Variants in FBXL17 observed in about 807,000 individuals in gnomAD.
The protein encoded by FBXL17 is F-box and leucine rich repeat protein 17.
FBXL17 carries 22 observed loss-of-function variants against 66.2 expected under a neutral mutation model. That is an observed-to-expected ratio of 0.33 (90% CI 0.24 to 0.47). The LOEUF (loss-of-function observed/expected upper bound fraction) is 0.47, where lower values mean the gene tolerates loss of function less well. Ranked by LOEUF, FBXL17 falls within the 20% of genes least tolerant of loss-of-function variation. The pLI, the probability that FBXL17 is intolerant of heterozygous loss-of-function variation, is 1.00. For synonymous variants in FBXL17, 474 were observed against 400.5 expected (o/e 1.18, Z -2.19); for missense variants, 878 against 948.2 (o/e 0.93, Z 0.97).
intron 7 of FBXL17, among the ~76,000 whole-genome samples, chr5:107,923,985 C>T (rs1255795933): frequency 6.7e-6 from 1 of 148,482 alleles, no homozygotes; most frequent in African/African-American, 2.5e-5. Flanking sequence ...CAATGTGGGG[C>T]TAGGAGAGGG....
intron 4 of FBXL17, among the ~76,000 whole-genome samples, chr5:108,259,320 C>G (rs546315427): frequency 6.6e-6 from 1 of 152,188 alleles, no homozygotes; most frequent in East Asian, 1.9e-4. Flanking sequence ...TTCTAAAAAG[C>G]TAAAACTATG....
At chr5:107,910,826 G>A (rs1474078384) in intron 7 of FBXL17, among the ~76,000 whole-genome samples, 2 of 151,840 alleles carry the variant, frequency 1.3e-5, no homozygotes, top group Non-Finnish European at 2.9e-5. Context: ...AGTTATATAG[G>A]AATAAACCTA....
rs150945948 is a variant in FBXL17, at chr5:107,970,726, C to T, written c.1822+50199G>A. Among the ~76,000 whole-genome samples the T allele has an allele frequency of 4.6e-5, 7 of 152,264 alleles. No individual in the cohort carries two copies. In the East Asian group the frequency reaches 1.4e-3, roughly 29 times the overall value. On this transcript the variant is annotated intron_variant, in intron 7 of 8. Transcript: ENST00000542267. The stretch of plus-strand genomic sequence containing the variant: ...TTATCTTGCCAGAGTGGAAAAAGAC[C>T]TGCTGCCCTTGTTACCACACCTCCC...
At chr5:107,951,574 C>T (rs1179163365) in intron 7 of FBXL17, among the ~76,000 whole-genome samples, 3 of 152,102 alleles carry the variant, frequency 2.0e-5, no homozygotes, top group Non-Finnish European at 4.4e-5. Context: ...TCTTGACGTA[C>T]CTGGCACTGA....
chr5:108,030,209 G>C (rs1387509235), intron 6 of FBXL17, among the ~76,000 whole-genome samples: 2 of 152,170 alleles, frequency 1.3e-5, no homozygotes, highest in East Asian at 3.9e-4. Flanking sequence ...CAAAAGTCCA[G>C]GTTGCTCTGC....
intron 7 of FBXL17, among the ~76,000 whole-genome samples, chr5:108,011,681 G>A (rs573205338): frequency 2.6e-5 from 4 of 152,204 alleles, no homozygotes; most frequent in East Asian, 1.9e-4. Context: ...AAAATTAGCC[G>A]GTCATGGTGG....
chr5:108,098,605 C>T lies in FBXL17; in HGVS notation c.1746-77604G>A, dbSNP rs533421589. Among the ~76,000 whole-genome samples, 459 of 151,760 alleles carry T rather than the reference C, an allele frequency of 3.0e-3. 1 individual carries two copies. The highest frequency in any genetic ancestry group is 0.011 in the African/African-American group (441 of 41,368). On this transcript the variant is annotated intron_variant, in intron 6 of 8. Transcript: ENST00000542267. ...CTAAAAATACAAAAAATTAGCCGGG[C>T]GTGGTGGTGAGCATCTGTAGTCCCA...
At chr5:108,115,266 A>C (rs1174250570) in intron 6 of FBXL17, among the ~76,000 whole-genome samples, 1 of 152,186 alleles carries the variant, frequency 6.6e-6, no homozygotes, top group East Asian at 1.9e-4. Context: ...CAGGAGAAGC[A>C]TGGGCTTTAT....
At chr5:108,316,772 T>C (rs932080049) in intron 4 of FBXL17, among the ~76,000 whole-genome samples, 3 of 151,180 alleles carry the variant, frequency 2.0e-5, no homozygotes, top group East Asian at 3.9e-4. Flanking sequence ...AACCTTAAAA[T>C]AAATAATATA....
At chr5:108,375,367 GCACA>G (rs61340348) in intron 1 of FBXL17, among the ~76,000 whole-genome samples, 2,313 of 148,840 alleles carry the variant, frequency 0.016, 29 homozygotes, top group South Asian at 0.035. Context: ...CAGAGACCCT[GCACA>G]CACACACACA....
chr5:108,049,588 C>T (rs1320099912), intron 6 of FBXL17, among the ~76,000 whole-genome samples: 1 of 152,086 alleles, frequency 6.6e-6, no homozygotes, highest in African/African-American at 2.4e-5. Context: ...CTAAAGGAAG[C>T]TCTAAATATG....
At chr5:108,227,723 C>T (rs901449861) in intron 4 of FBXL17, among the ~76,000 whole-genome samples, 18 of 152,178 alleles carry the variant, frequency 1.2e-4, no homozygotes, top group Non-Finnish European at 1.0e-4. Flanking sequence ...AAGATTAATT[C>T]TCCCCTCAAA....
chr5:108,262,054 T>TTTTA lies in FBXL17; in HGVS notation c.1507-37830_1507-37827dup, dbSNP rs1216863257. On this transcript the variant is annotated intron_variant, in intron 4 of 8. Transcript: ENST00000542267. ...AAGGGAGAATACAAAGTGATACATA[T>TTTTA]TTTATTTATTTATTTATTTATTTAT... 2.0e-3 allele frequency among the ~76,000 whole-genome samples: 228 copies of TTTTA among 112,100 alleles called. 7 individuals carry two copies. The highest frequency in any genetic ancestry group is 0.013 in the East Asian group (51 of 3,936). 73.5% of individuals were successfully genotyped at this position (112,100 alleles called of 152,430 possible). A position where few individuals can be genotyped will look rare whatever the true frequency, so the allele number is the denominator to read the frequency against.
chr5:108,014,509 C>T (rs1436229275), intron 7 of FBXL17, among the ~76,000 whole-genome samples: 1 of 151,962 alleles, frequency 6.6e-6, no homozygotes, highest in East Asian at 1.9e-4. Flanking sequence ...TTAAGAAGTC[C>T]CTCTCAATAG....
rs1184464951 is a variant in FBXL17, at chr5:108,381,810, GCA to G, written c.-121_-120del. The G allele has an allele frequency of 3.7e-6, 5 of 1,335,820 alleles. No homozygotes were observed. The highest frequency in any genetic ancestry group is 4.8e-6 in the Non-Finnish European group (5 of 1,046,394). The allele number at this position is 1,335,820 out of a possible 1,614,324, so 82.7% of individuals were successfully genotyped here. A position where few individuals can be genotyped will look rare whatever the true frequency, so the allele number is the denominator to read the frequency against. On this transcript the variant is annotated 5_prime_UTR_variant, in exon 1 of 9. Transcript: ENST00000542267. ...CCCCCGGAGGGGTCGCCCTTCCTGCGCACACACACGCACACACGGGCACACAC... is the reference window on the plus strand; with the variant it reads ...CCCCCGGAGGGGTCGCCCTTCCTGCGCACACACGCACACACGGGCACACAC...
intron 4 of FBXL17, among the ~76,000 whole-genome samples, chr5:108,230,363 A>G (rs1181417944): frequency 6.6e-6 from 1 of 152,216 alleles, no homozygotes; most frequent in African/African-American, 2.4e-5. Flanking sequence ...ATTGTGGTAT[A>G]TATACACAAC....
At chr5:108,083,682 A>G (rs1748862544) in intron 6 of FBXL17, among the ~76,000 whole-genome samples, 1 of 151,632 alleles carries the variant, frequency 6.6e-6, no homozygotes, top group Non-Finnish European at 1.5e-5. Context: ...TGCTGAGATT[A>G]CAGGCATGAG....
Position 108,194,149 on chromosome 5 carries a change from C to G in FBXL17, c.1615-7902G>C, listed in dbSNP as rs148953188. ...AAGGCCCTCCATTGTCCATCCCTAC[C>G]ATTCCCTGAAATCTGTTAAGCCAAC... On this transcript the variant is annotated intron_variant, in intron 5 of 8. Coordinates refer to ENST00000542267, the MANE Select transcript of FBXL17 (RefSeq NM_001163315.3). Among the ~76,000 whole-genome samples, 39 of 152,256 alleles carry G rather than the reference C, an allele frequency of 2.6e-4. No individual in the cohort carries two copies. The East Asian group carries it at 7.4e-3, about 29-fold the overall frequency.
intron 4 of FBXL17, among the ~76,000 whole-genome samples, chr5:108,273,100 G>A (rs1757342493): frequency 6.6e-6 from 1 of 152,096 alleles, no homozygotes; most frequent in African/African-American, 2.4e-5. Context: ...AAAAGGGGAG[G>A]GAGTGCGCAA....
Sources: gnomAD v4.1 joint callset for allele counts (sites outside exome capture counted in the v4.1 genomes callset) on GRCh38, gnomAD v4.1.1 for gene constraint, MANE v1.5 for transcripts, NCBI Gene and HGNC (gene_info 2026-07-23, HGNC 2026-07-21) for gene names.